INTS1: variants seen among roughly 807,000 people sequenced by gnomAD.
INTS1 encodes integrator complex subunit 1.
Under a neutral mutation model 241.6 loss-of-function variants are expected in INTS1, and 137 were observed. The observed-to-expected ratio is 0.57, with a 90% CI of 0.49 to 0.65. The LOEUF is 0.65. Ranked by LOEUF, INTS1 falls within the 30% of genes least tolerant of loss-of-function variation. INTS1 has a pLI of 0.00. For missense variants in INTS1, 3,073 were observed against 3,032.2 expected (o/e 1.01, Z -0.32); for synonymous variants, 1,692 against 1,337.8 (o/e 1.26, Z -5.78).
chr7:1,474,661 G>C (rs1402997091), intron 40 of INTS1, 44 bp downstream of exon 40: 1 of 1,536,750 alleles, frequency 6.5e-7, no homozygotes, highest in Non-Finnish European at 8.8e-7. Context: ...AGACCCCCCT[G>C]GTTAAACCAG....
chr7:1,498,297 A>T (rs759197168), intron 10 of INTS1, 115 bp downstream of exon 10: 8 of 1,468,718 alleles, frequency 5.4e-6, no homozygotes, highest in African/African-American at 2.8e-5. Context: ...GAGACCGAGG[A>T]GCATTCTCCC....
rs780742668 is a variant in INTS1 at position 1,498,774 on chromosome 7, T to C, written c.1216A>G (p.Ile406Val). The C allele has an allele frequency of 2.5e-6, 4 of 1,589,516 alleles. No homozygotes were observed. Among genetic ancestry groups the C allele is most frequent in the Non-Finnish European group, 2.6e-6 (3 of 1,168,314 alleles). The change falls in exon 9 of 48, where the codon ATC becomes GTC. Residue 406 changes from isoleucine (I) to valine (V), a missense_variant. By Grantham distance (29) the Ile-to-Val change is conservative. Transcript: ENST00000404767. ...NTHGSEDMDV[I>V]SHLIKIRLKP... is the part of the protein sequence containing the mutation. ...AGGCGGATCTTGATCAGGTGTGAGA[T>C]GACGTCCATGTCTTCGGAACCGTGC...
At position 1,480,412 on chromosome 7, in the gene INTS1, T is replaced by G. The variant is rs1307715778; in HGVS notation, c.3979A>C (p.Ser1327Arg). 1 of 1,613,410 alleles carries G rather than the reference T, an allele frequency of 6.2e-7. No individual in the cohort carries two copies. The highest frequency in any genetic ancestry group is 8.5e-7 in the Non-Finnish European group (1 of 1,179,678). The change falls in exon 30 of 48, where the codon AGC becomes CGC. Residue 1327 changes from serine (S) to arginine (R), a missense_variant. Coordinates refer to ENST00000404767, the MANE Select transcript of INTS1 (RefSeq NM_001080453.3). ...CCCTGGCCTATGGGCTGCTCTGGGC[T>G]GCTCTTTGGTTTGGGTGCCTCTGTG... is the stretch of plus-strand genomic sequence containing the variant. Reference protein sequence around the residue: ...DSTEAPKPKSSPEQPIGQGRI... With the variant: ...DSTEAPKPKSRPEQPIGQGRI...
chr7:1,487,712 C>A, intron 19 of INTS1, 48 bp downstream of exon 19: 1 of 1,594,132 alleles, frequency 6.3e-7, no homozygotes, highest in Middle Eastern at 1.8e-4. Context: ...ACCAACCACC[C>A]ACAGGTCCCG....
Position 1,480,987 on chromosome 7 carries a change from T to A in INTS1, c.3851-54A>T, listed in dbSNP as rs767254831. On this transcript the variant is annotated intron_variant, in intron 28 of 47. Coordinates refer to ENST00000404767, the MANE Select transcript of INTS1 (RefSeq NM_001080453.3). ...GCGCGGCCAGGGGCCAGGGAGCAGG[T>A]CCTTCCCTCTCCACAGAAACCAGAG... 5 of 1,297,996 alleles carry A rather than the reference T, an allele frequency of 3.9e-6. No homozygotes were observed. In the Admixed American group the frequency reaches 7.5e-5, roughly 20 times the overall value. 80.4% of individuals were successfully genotyped at this position (1,297,996 alleles called of 1,614,324 possible). A position where few individuals can be genotyped will look rare whatever the true frequency, so the allele number is the denominator to read the frequency against.
chr7:1,492,009 G>T (rs2128541246), intron 16 of INTS1, among the ~76,000 whole-genome samples: 1 of 152,362 alleles, frequency 6.6e-6, no homozygotes, highest in Non-Finnish European at 1.5e-5. Context: ...TGAGGATGGA[G>T]ACTAGGAACC....
chr7:1,497,704 C>G lies in INTS1; in HGVS notation c.1426-390G>C, dbSNP rs1274616255. ...TGAAAGGATCTGAAAGGACGCACTCCTGTCTCAAAATGCCAGGCCGCGAAG... is the reference window on the plus strand; with the variant it reads ...TGAAAGGATCTGAAAGGACGCACTCGTGTCTCAAAATGCCAGGCCGCGAAG... On this transcript the variant is annotated intron_variant, in intron 10 of 47. Transcript: ENST00000404767. The surrounding 1 kb of genome is among the most constrained non-coding windows in gnomAD (Gnocchi z 5.3). Among the ~76,000 whole-genome samples the G allele has an allele frequency of 1.3e-5, 2 of 152,332 alleles. No individual in the cohort carries two copies. The highest frequency in any genetic ancestry group is 3.9e-4 in the East Asian group (2 of 5,172).
Position 1,472,321 on chromosome 7 carries a change from CG to C in INTS1, c.6135del (p.Glu2046ArgfsTer6). 6.4e-7 allele frequency: 1 copy of C among 1,570,526 alleles called. No homozygotes were observed. The highest frequency in any genetic ancestry group is 8.6e-7 in the Non-Finnish European group (1 of 1,158,572). ...SVSLFTPLTA[A>X]EMAPYMKRLS... ...AGCCGTTTCATGTAGGGGGCCATCT[CG>C]GCCGCGGTCAGAGGGGTGAACAGGG... On this transcript the variant is annotated frameshift_variant, in exon 44 of 48. Transcript: ENST00000404767. LOFTEE classifies it high-confidence loss of function.
chr7:1,484,276 G>T, intron 24 of INTS1, 106 bp from the exon 25 acceptor site: 1 of 1,220,968 alleles, frequency 8.2e-7, no homozygotes, highest in Non-Finnish European at 1.1e-6. Context: ...CTTAAGCAGG[G>T]CCCGCGGCAC....
In INTS1 at chr7:1,481,491, G is replaced by A. The variant is rs374431744; in HGVS notation, c.3704-3C>T. ...CTGCGGCTCCAGGTCCTGCAGGGCTGAGGGTGCACGCGCTCCGTAACGCCA... is the reference window on the plus strand; with the variant it reads ...CTGCGGCTCCAGGTCCTGCAGGGCTAAGGGTGCACGCGCTCCGTAACGCCA... On this transcript the variant is annotated splice_polypyrimidine_tract_variant and splice_region_variant and intron_variant, in intron 27 of 47. Transcript: ENST00000404767. The surrounding 1 kb of genome is among the most constrained non-coding windows in gnomAD (Gnocchi z 6.8). 50 of 1,606,214 alleles carry A rather than the reference G, an allele frequency of 3.1e-5. No homozygotes were observed. Among genetic ancestry groups the A allele is most frequent in the Non-Finnish European group, 4.1e-5 (48 of 1,176,634 alleles).
intron 24 of INTS1, among the ~76,000 whole-genome samples, 178 bp from the exon 25 acceptor site, chr7:1,484,348 CA>C (rs1254260775): frequency 2.0e-5 from 3 of 152,262 alleles, no homozygotes; most frequent in African/African-American, 4.8e-5. Context: ...TCGGACTCTC[CA>C]GGGGGGAGGG....
rs774669097 is a variant in INTS1, at chr7:1,493,812, C to T, written c.2010G>A (p.Ala670=). 8.3e-6 allele frequency: 13 copies of T among 1,575,714 alleles called. No homozygotes were observed. Among genetic ancestry groups the T allele is most frequent in the African/African-American group, 2.7e-5 (2 of 73,964 alleles). Residue 670 remains alanine, a synonymous_variant, in exon 15 of 48, where the codon GCG becomes GCA. Transcript: ENST00000404767. The surrounding 1 kb of genome is among the most constrained non-coding windows in gnomAD (Gnocchi z 5.3). The part of the protein sequence containing the change: ...GLSRELPLGP[A]DAMELADHLV... ...GGTGGTCAGCAAGCTCCATGGCGTC[C>T]GCAGGCCCGAGCGGGAGCTCCCGGG...
intron 43 of INTS1, 116 bp downstream of exon 43, chr7:1,472,956 A>G (rs1781541505): frequency 1.6e-6 from 1 of 635,574 alleles, no homozygotes; most frequent in African/African-American, 1.8e-5. Context: ...TCCCAGGCTC[A>G]CACAGCCCCC....
chr7:1,489,407 A>ATGTTCTCTGGGTTGAATGC lies in INTS1; in HGVS notation c.2258-4_2258-3insGCATTCAACCCAGAGAACA. The stretch of plus-strand genomic sequence containing the variant: ...GTACTCCTCCCACGCAGCCAGGCCT[A>ATGTTCTCTGGGTTGAATGC]GGGAACCGGAGGGTGTGGGGCTGGC... On this transcript the variant is annotated splice_region_variant and splice_polypyrimidine_tract_variant and intron_variant, in intron 17 of 47. Coordinates refer to ENST00000404767, the MANE Select transcript of INTS1 (RefSeq NM_001080453.3). 6.2e-7 allele frequency: 1 copy of ATGTTCTCTGGGTTGAATGC among 1,604,976 alleles called. No homozygotes were observed. Among genetic ancestry groups the ATGTTCTCTGGGTTGAATGC allele is most frequent in the Admixed American group, 1.7e-5 (1 of 58,920 alleles).
rs201734949 is a variant in INTS1 at position 1,499,335 on chromosome 7, C to T, written c.870G>A (p.Thr290=). Residue 290 remains threonine (T), a synonymous_variant, in exon 7 of 48, where the codon ACG becomes ACA. Transcript: ENST00000404767. ...ACTCCGTCTGGCTGTCCTCCTCCTC[C>T]GTGAGGGAGGGGTGTGGGCTGCTCC... ...GAGSSPHPSL[T]EEEDSQTELL... is the part of the protein sequence containing the mutation. The T allele has an allele frequency of 4.0e-4, 634 of 1,598,064 alleles. 1 individual carries two copies. In the African/African-American group the frequency reaches 6.0e-3, roughly 15 times the overall value.
intron 13 of INTS1, 149 bp downstream of exon 13, chr7:1,495,284 G>C: frequency 2.0e-6 from 2 of 983,088 alleles, no homozygotes; most frequent in Non-Finnish European, 2.9e-6. Flanking sequence ...GGCCTGGCTT[G>C]TCCCGGCTTA....
intron 46 of INTS1, 62 bp from the exon 47 acceptor site, chr7:1,471,017 G>A (rs1015946350): frequency 4.0e-5 from 61 of 1,517,136 alleles, no homozygotes; most frequent in Non-Finnish European, 4.8e-5. Context: ...ACCCCCACCC[G>A]ACAGGGCGAG....
chr7:1,492,030 G>A (rs756720497), intron 16 of INTS1, among the ~76,000 whole-genome samples: 3 of 152,212 alleles, frequency 2.0e-5, no homozygotes, highest in South Asian at 2.1e-4. Context: ...GTCACTCAGC[G>A]CTGGCGGGGA....
Position 1,488,613 on chromosome 7 carries a change from T to A in INTS1, c.2319-656A>T, listed in dbSNP as rs536565707. Among the ~76,000 whole-genome samples, 13 of 151,918 alleles carry A rather than the reference T, an allele frequency of 8.6e-5. No individual in the cohort carries two copies. The East Asian group carries it at 2.5e-3, about 30-fold the overall frequency. Reference sequence around the variant, plus strand: ...GTGCAACGGCCCCAAACGTACCCGATCCCAACGCCACACACACACACCTGG... The same window carrying A: ...GTGCAACGGCCCCAAACGTACCCGAACCCAACGCCACACACACACACCTGG... On this transcript the variant is annotated intron_variant, in intron 18 of 47. Coordinates refer to ENST00000404767, the MANE Select transcript of INTS1 (RefSeq NM_001080453.3).
Sources: gnomAD v4.1 joint callset for allele counts (sites outside exome capture counted in the v4.1 genomes callset) on GRCh38, gnomAD v4.1.1 for gene constraint, Gnocchi (gnomAD v3.1) non-coding constraint, MANE v1.5 for transcripts, NCBI Gene and HGNC (gene_info 2026-07-23, HGNC 2026-07-21) for gene names.